The following KDM7A variants were observed in gnomAD, a reference collection of about 807,000 sequenced individuals.
KDM7A encodes the protein lysine demethylase 7A, also known as lysine-specific demethylase 7A.
Under a neutral mutation model 114.8 loss-of-function variants are expected in KDM7A, and 28 were observed. That is an observed-to-expected ratio of 0.24 (90% CI 0.18 to 0.33). The LOEUF (loss-of-function observed/expected upper bound fraction) is 0.33, where lower values mean the gene tolerates loss of function less well. Among genes scored for constraint, KDM7A ranks in the 10% least tolerant of loss-of-function variants. The pLI is 1.00. For missense variants in KDM7A, 942 were observed against 1,142.5 expected (o/e 0.82, Z 2.53); for synonymous variants, 423 against 397.8 (o/e 1.06, Z -0.75).
intron 1 of KDM7A, among the ~76,000 whole-genome samples, chr7:140,153,313 C>T (rs1041724460): frequency 2.0e-5 from 3 of 151,460 alleles, no homozygotes; most frequent in Admixed American, 6.6e-5. Flanking sequence ...CAGTGAAACC[C>T]GTCTCTACTG....
At chr7:140,147,862 C>T (rs1794355612) in intron 1 of KDM7A, among the ~76,000 whole-genome samples, 1 of 152,164 alleles carries the variant, frequency 6.6e-6, no homozygotes, top group African/African-American at 2.4e-5. Context: ...ATTAGAAAGA[C>T]TTGATTTGAT....
chr7:140,164,362 T>C (rs1014447819), intron 1 of KDM7A, among the ~76,000 whole-genome samples: 1 of 152,216 alleles, frequency 6.6e-6, no homozygotes, highest in African/African-American at 2.4e-5. Flanking sequence ...TTCTTTCTTG[T>C]GGGGGCTAAC....
intron 1 of KDM7A, among the ~76,000 whole-genome samples, chr7:140,143,300 A>C (rs1430062091): frequency 6.6e-6 from 1 of 152,204 alleles, no homozygotes; most frequent in African/African-American, 2.4e-5. Context: ...TCTTAAAAAA[A>C]CAAGGAAGAG....
intron 4 of KDM7A, among the ~76,000 whole-genome samples, chr7:140,129,195 A>G (rs1314337870): frequency 6.6e-6 from 1 of 152,156 alleles, no homozygotes; most frequent in Admixed American, 6.5e-5. Context: ...TCTTCCTGGT[A>G]TCTATATCTA....
chr7:140,154,757 T>C (rs35068054), intron 1 of KDM7A, among the ~76,000 whole-genome samples: 57,668 of 151,636 alleles, frequency 0.38, 11,185 homozygotes, highest in Middle Eastern at 0.49. Context: ...CCTTTTTTTT[T>C]CCCCACAAAA....
At chr7:140,115,963 T>A (rs1329565045) in intron 9 of KDM7A, among the ~76,000 whole-genome samples, 1 of 151,328 alleles carries the variant, frequency 6.6e-6, no homozygotes, top group African/African-American at 2.4e-5. Flanking sequence ...GAAATGCACA[T>A]TAAAAGCACA....
At chr7:140,127,199 G>A (rs777598767) in intron 5 of KDM7A, among the ~76,000 whole-genome samples, 5 of 152,212 alleles carry the variant, frequency 3.3e-5, no homozygotes, top group African/African-American at 7.2e-5. Context: ...GGCCTCAAGC[G>A]ATCCACTCGC....
chr7:140,138,312 A>T (rs995664529), intron 2 of KDM7A, among the ~76,000 whole-genome samples: 7 of 127,822 alleles, frequency 5.5e-5, no homozygotes, highest in African/African-American at 1.2e-4. Flanking sequence ...TGTCTCAAAT[A>T]AAAAAAAAAA....
Position 140,129,460 on chromosome 7 carries a change from T to A in KDM7A, c.559+33A>T, listed in dbSNP as rs746123687. On this transcript the variant is annotated intron_variant, in intron 4 of 19. Coordinates refer to ENST00000397560, the MANE Select transcript of KDM7A (RefSeq NM_030647.2). ...ACTATCATTTTTACTTTTACCATGT[T>A]TTCCCAGGTACTTAAAGAAATAAAG... 4 of 1,553,938 alleles carry A rather than the reference T, an allele frequency of 2.6e-6. No homozygotes were observed. In the Admixed American group the frequency reaches 6.9e-5, roughly 27 times the overall value.
chr7:140,107,101 CTT>C (rs1222044560), intron 11 of KDM7A, among the ~76,000 whole-genome samples: 1 of 152,080 alleles, frequency 6.6e-6, no homozygotes, highest in Non-Finnish European at 1.5e-5. Context: ...AACCCCTGCT[CTT>C]TTTTTGTTTT....
intron 8 of KDM7A, 60 bp from the exon 9 acceptor site, chr7:140,119,279 TA>T: frequency 1.1e-6 from 1 of 904,632 alleles, no homozygotes. Context: ...TAGATGAAAG[TA>T]ACCAACTGGA....
Position 140,176,754 on chromosome 7 carries a change from AC to A in KDM7A, c.183del (p.Trp61CysfsTer9). The stretch of plus-strand genomic sequence containing the variant: ...AGGGGGTTTATTTACCTGCCGTGGA[AC>A]CAGTCCTTGCAGATATCGCACTCGA... ...FMIECDICKD[W>X]FHGSCVGVEE... On this transcript the variant is annotated frameshift_variant, in exon 1 of 20. Coordinates refer to ENST00000397560, the MANE Select transcript of KDM7A (RefSeq NM_030647.2). LOFTEE classifies it high-confidence loss of function. This position sits in a 1 kb window ranked among gnomAD's most constrained non-coding sequence, Gnocchi z 4.4. 7.3e-7 allele frequency: 1 copy of A among 1,365,466 alleles called. No individual in the cohort carries two copies. The highest frequency in any genetic ancestry group is 1.4e-5 in the South Asian group (1 of 72,890). The allele number at this position is 1,365,466 out of a possible 1,614,324, so 84.6% of individuals were successfully genotyped here.
intron 17 of KDM7A, among the ~76,000 whole-genome samples, chr7:140,095,190 C>A (rs1818085998): frequency 3.3e-5 from 5 of 152,272 alleles, no homozygotes; most frequent in South Asian, 4.1e-4. Flanking sequence ...ATATGTAAAA[C>A]CAATGCAATA....
Position 140,129,618 on chromosome 7 carries a change from T to G in KDM7A, c.434A>C (p.Gln145Pro), listed in dbSNP as rs1242141000. 2 of 1,610,510 alleles carry G rather than the reference T, an allele frequency of 1.2e-6. No individual in the cohort carries two copies. Among genetic ancestry groups the G allele is most frequent in the Non-Finnish European group, 1.7e-6 (2 of 1,176,948 alleles). Residue 145 changes from glutamine (Q) to proline (P), a missense_variant, in exon 4 of 20, where the codon CAG becomes CCG. Around this residue, in one of 4 missense-constraint regions of KDM7A, gnomAD observed 318 missense variants for 453.1 expected, o/e 0.70. Coordinates refer to ENST00000397560, the MANE Select transcript of KDM7A (RefSeq NM_030647.2). The stretch of plus-strand genomic sequence containing the variant: ...TTTCTCCAGATATCTTTGTGTCAGC[T>G]GGCTGCCATGCATCTTTATAATTAT... ...DEIIIKMHGS[Q>P]LTQRYLEKHG...
chr7:140,131,541 A>G (rs1170268527), intron 3 of KDM7A, among the ~76,000 whole-genome samples: 1 of 152,174 alleles, frequency 6.6e-6, no homozygotes, highest in African/African-American at 2.4e-5. Context: ...CCTAAGGCCT[A>G]AGAAAACTGA....
At chr7:140,103,049 A>T (rs1380714526) in intron 11 of KDM7A, among the ~76,000 whole-genome samples, 1 of 152,090 alleles carries the variant, frequency 6.6e-6, no homozygotes, top group Non-Finnish European at 1.5e-5. Context: ...CACAACCATC[A>T]CTGCCATCCA....
chr7:140,144,930 C>G (rs998040478), intron 1 of KDM7A, among the ~76,000 whole-genome samples: 3 of 152,132 alleles, frequency 2.0e-5, no homozygotes, highest in African/African-American at 7.2e-5. Flanking sequence ...ATGAGAGCAC[C>G]TACTCCCCCT....
chr7:140,109,817 C>G (rs1818403743), intron 11 of KDM7A, among the ~76,000 whole-genome samples: 1 of 152,184 alleles, frequency 6.6e-6, no homozygotes, highest in African/African-American at 2.4e-5. Flanking sequence ...AACCCAGCGC[C>G]ACATAACATA....
At chr7:140,162,195 C>A (rs967949551) in intron 1 of KDM7A, among the ~76,000 whole-genome samples, 9 of 152,012 alleles carry the variant, frequency 5.9e-5, no homozygotes, top group Non-Finnish European at 1.3e-4. Flanking sequence ...TTTCGCCGGG[C>A]ATAGTGGCAC....
Sources: allele counts gnomAD v4.1 joint callset (sites outside exome capture counted in the v4.1 genomes callset), GRCh38; gene constraint gnomAD v4.1.1; regional missense constraint gnomAD v4.1.1; non-coding constraint Gnocchi (gnomAD v3.1); transcripts MANE v1.5; gene names NCBI Gene and HGNC (gene_info 2026-07-23, HGNC 2026-07-21).